The following CACNA2D3 variants were observed in gnomAD, a reference collection of about 807,000 sequenced individuals.
The protein encoded by CACNA2D3 is voltage-dependent calcium channel subunit alpha-2/delta-3.
In CACNA2D3, 60 loss-of-function variants were observed where a neutral mutation model predicts 160.6. The ratio of observed to expected loss-of-function variants is 0.37; its 90% CI spans 0.30 to 0.46. The LOEUF (loss-of-function observed/expected upper bound fraction) is 0.46. Among genes scored for constraint, CACNA2D3 ranks in the 20% least tolerant of loss-of-function variants. The probability of loss-of-function intolerance (pLI) is 1.00; values close to 1 mark genes in which losing one functional copy is unlikely to be tolerated. For missense variants in CACNA2D3, 1,205 were observed against 1,365.0 expected (o/e 0.88, Z 1.85); for synonymous variants, 558 against 492.9 (o/e 1.13, Z -1.75).
intron 2 of CACNA2D3, among the ~76,000 whole-genome samples, chr3:54,262,155 A>G (rs1273677947): frequency 6.6e-6 from 1 of 152,136 alleles, no homozygotes; most frequent in African/African-American, 2.4e-5. Flanking sequence ...ACATAAATCT[A>G]TAGCAAGGAT....
chr3:54,842,433 T>C lies in CACNA2D3; in HGVS notation c.1551+3785T>C, dbSNP rs9856852. On this transcript the variant is annotated intron_variant, in intron 16 of 37. Coordinates refer to ENST00000474759, the MANE Select transcript of CACNA2D3 (RefSeq NM_018398.3). ...TGGCAAATGTCTAAAATACACAAAC[T>C]GTAACTGAATGCCTGCCACATGCCT... Among the ~76,000 whole-genome samples the C allele has an allele frequency of 4.0e-3, 610 of 152,242 alleles. 3 individuals are homozygous for C. Among genetic ancestry groups the C allele is most frequent in the African/African-American group, 0.014 (589 of 41,540 alleles).
At chr3:54,543,297 G>A (rs1198590327) in intron 5 of CACNA2D3, among the ~76,000 whole-genome samples, 1 of 152,174 alleles carries the variant, frequency 6.6e-6, no homozygotes, top group Admixed American at 6.5e-5. Context: ...CAAACAAAAT[G>A]TCTTTCCATA....
In CACNA2D3 at chr3:54,560,459, C is replaced by T. The variant is rs145273336; in HGVS notation, c.545-2341C>T. 6.2e-3 allele frequency among the ~76,000 whole-genome samples: 942 copies of T among 152,180 alleles called. 8 individuals are homozygous for T. Among genetic ancestry groups the T allele is most frequent in the African/African-American group, 0.021 (882 of 41,528 alleles). On this transcript the variant is annotated intron_variant, in intron 5 of 37. Transcript: ENST00000474759. ...TTTTTCTTGTAAATTTGTTTAAGTT[C>T]CTTATAGATGCTGGATATTAGACTT...
chr3:54,477,694 C>T (rs902473718), intron 4 of CACNA2D3, among the ~76,000 whole-genome samples: 4 of 152,194 alleles, frequency 2.6e-5, no homozygotes, highest in Admixed American at 6.5e-5. Context: ...CCTCTCCTGG[C>T]TTGTCCTCTG....
chr3:54,429,767 C>T (rs1450496199), intron 4 of CACNA2D3, among the ~76,000 whole-genome samples: 1 of 152,100 alleles, frequency 6.6e-6, no homozygotes, highest in Non-Finnish European at 1.5e-5. Context: ...AGATTTTTCT[C>T]GGATGTTGGA....
At chr3:54,454,446 G>A (rs1288503928) in intron 4 of CACNA2D3, among the ~76,000 whole-genome samples, 2 of 151,918 alleles carry the variant, frequency 1.3e-5, no homozygotes, top group Non-Finnish European at 2.9e-5. Flanking sequence ...CTTTGCATAT[G>A]GTATTTCAAA....
intron 2 of CACNA2D3, among the ~76,000 whole-genome samples, chr3:54,160,761 T>C (rs1438614576): frequency 2.6e-5 from 4 of 152,218 alleles, no homozygotes; most frequent in African/African-American, 7.2e-5. Flanking sequence ...CGGTAACTGA[T>C]CTTAAATGTT....
At chr3:54,597,027 A>G (rs1452268964) in intron 9 of CACNA2D3, among the ~76,000 whole-genome samples, 1 of 152,152 alleles carries the variant, frequency 6.6e-6, no homozygotes, top group Non-Finnish European at 1.5e-5. Flanking sequence ...GGCACACAGC[A>G]TAGGGTCAGG....
At chr3:54,871,662 C>T (rs1699537565) in intron 18 of CACNA2D3, 40 bp downstream of exon 18, 1 of 1,467,400 alleles carries the variant, frequency 6.8e-7, no homozygotes, top group Non-Finnish European at 9.5e-7. Flanking sequence ...GAAGGACCTG[C>T]ATTGTACCCA....
chr3:54,214,868 G>C (rs1026568482), intron 2 of CACNA2D3, among the ~76,000 whole-genome samples: 3 of 152,256 alleles, frequency 2.0e-5, no homozygotes, highest in African/African-American at 7.2e-5. Flanking sequence ...CTCAGGGGTT[G>C]AGTGCAGCAA....
intron 2 of CACNA2D3, among the ~76,000 whole-genome samples, chr3:54,246,089 G>C (rs1302586063): frequency 1.3e-5 from 2 of 152,192 alleles, no homozygotes; most frequent in African/African-American, 4.8e-5. Context: ...TTCACTACCA[G>C]ACATAACCTC....
At chr3:54,829,464 C>G (rs1197783557) in intron 14 of CACNA2D3, among the ~76,000 whole-genome samples, 1 of 152,034 alleles carries the variant, frequency 6.6e-6, no homozygotes, top group African/African-American at 2.4e-5. Context: ...GGTGCAGAGA[C>G]TTTGTTTGGG....
chr3:54,283,870 C>T (rs1702943413), intron 2 of CACNA2D3, among the ~76,000 whole-genome samples: 1 of 152,078 alleles, frequency 6.6e-6, no homozygotes. Flanking sequence ...CGAGACCATC[C>T]TGGTCAACAT....
rs1321336346 is a variant in CACNA2D3, at chr3:55,009,147, G to A, written c.2820-241G>A. Among the ~76,000 whole-genome samples, 2 of 152,256 alleles carry A rather than the reference G, an allele frequency of 1.3e-5. 1 individual carries two copies. Among genetic ancestry groups the A allele is most frequent in the South Asian group, 4.1e-4 (2 of 4,822 alleles). Reference sequence around the variant, plus strand: ...AAAAGTATTTCAGCCTATACAGCAGGTTATTCCTCATCTAGGAATCTTTGA... The same window carrying A: ...AAAAGTATTTCAGCCTATACAGCAGATTATTCCTCATCTAGGAATCTTTGA... On this transcript the variant is annotated intron_variant, in intron 33 of 37. Coordinates refer to ENST00000474759, the MANE Select transcript of CACNA2D3 (RefSeq NM_018398.3).
chr3:54,350,970 TTTTTTTTTTTTGTTTG>T lies in CACNA2D3; in HGVS notation c.321+30424_321+30439del, dbSNP rs760938393. Among the ~76,000 whole-genome samples, 123 of 48,140 alleles carry T rather than the reference TTTTTTTTTTTTGTTTG, an allele frequency of 2.6e-3. 8 individuals are homozygous for T. Among genetic ancestry groups the T allele is most frequent in the Middle Eastern group, 0.01 (1 of 100 alleles). 31.6% of individuals were successfully genotyped at this position (48,140 alleles called of 152,430 possible). Reference sequence around the variant, plus strand: ...TTGGATTTTGAGATCTTGAGTCTGTTTTTTTTTTTTTGTTTGTTTTTTTTTTTTTTTTTTTTGAGAC... The same window carrying T: ...TTGGATTTTGAGATCTTGAGTCTGTTTTTTTTTTTTTTTTTTTTTTGAGAC... On this transcript the variant is annotated intron_variant, in intron 3 of 37. Coordinates refer to ENST00000474759, the MANE Select transcript of CACNA2D3 (RefSeq NM_018398.3).
At chr3:54,303,056 G>A (rs180967938) in intron 2 of CACNA2D3, among the ~76,000 whole-genome samples, 1 of 152,200 alleles carries the variant, frequency 6.6e-6, no homozygotes, top group East Asian at 1.9e-4. Context: ...TCCTCAGAGA[G>A]GCCTTTGCTC....
chr3:54,392,593 TC>T (rs1699300260), intron 4 of CACNA2D3, among the ~76,000 whole-genome samples: 1 of 152,072 alleles, frequency 6.6e-6, no homozygotes, highest in African/African-American at 2.4e-5. Context: ...GCAGCACACT[TC>T]CTCCTGGTCC....
At chr3:55,004,184 T>C (rs1159476980) in intron 31 of CACNA2D3, among the ~76,000 whole-genome samples, 9 of 152,248 alleles carry the variant, frequency 5.9e-5, no homozygotes, top group Admixed American at 5.2e-4. Context: ...TAAGCTATGC[T>C]GTTTTCAAAA....
chr3:55,052,212 C>T (rs867874181), intron 35 of CACNA2D3, among the ~76,000 whole-genome samples: 3 of 152,032 alleles, frequency 2.0e-5, no homozygotes, highest in South Asian at 2.1e-4. Context: ...AAAGCTGTAT[C>T]GTTCATTTGA....
Sources: allele counts gnomAD v4.1 joint callset (sites outside exome capture counted in the v4.1 genomes callset), GRCh38; gene constraint gnomAD v4.1.1; transcripts MANE v1.5; gene names NCBI Gene and HGNC (gene_info 2026-07-23, HGNC 2026-07-21).